Variants in TNFSF4 observed in about 807,000 individuals in gnomAD.
The protein encoded by TNFSF4 is tumor necrosis factor ligand superfamily member 4.
A neutral mutation model predicts 7.3 loss-of-function variants in TNFSF4; 4 were observed. The ratio of observed to expected loss-of-function variants is 0.55; its 90% CI spans 0.27 to 1.25. TNFSF4 has a LOEUF of 1.25. Among genes scored for constraint, TNFSF4 ranks in the 50% most tolerant of loss-of-function variants. The pLI is 0.12. For synonymous variants in TNFSF4, 76 were observed against 83.7 expected (o/e 0.91, Z 0.50); for missense variants, 181 against 208.8 (o/e 0.87, Z 0.82).
the TNFSF4 span, among the ~76,000 whole-genome samples, chr1:173,384,950 G>A: frequency 5.9e-5 from 9 of 152,176 alleles, no homozygotes; most frequent in African/African-American, 2.2e-4. Context: ...TGGTTTTAGT[G>A]TAGTCATAGT....
chr1:173,440,204 T>A, the TNFSF4 span, among the ~76,000 whole-genome samples: 1 of 152,336 alleles, frequency 6.6e-6, no homozygotes, highest in African/African-American at 2.4e-5. Context: ...AACATCGACC[T>A]TTACACTGTC....
At chr1:173,262,754 C>T in the TNFSF4 span, among the ~76,000 whole-genome samples, 5 of 152,086 alleles carry the variant, frequency 3.3e-5, no homozygotes, top group South Asian at 8.3e-4. Flanking sequence ...AGGCGCCTGC[C>T]ACCGCGCCTG....
the TNFSF4 span, among the ~76,000 whole-genome samples, chr1:173,225,454 G>A: frequency 2.6e-5 from 4 of 152,074 alleles, no homozygotes; most frequent in Admixed American, 6.5e-5. Context: ...TTCTCTACAC[G>A]TGTGTATGCT....
At chr1:173,175,026 A>T in the TNFSF4 span, 1 of 152,164 alleles carries the variant, frequency 6.6e-6, no homozygotes, top group Non-Finnish European at 1.5e-5. Context: ...TTTTCTGTGA[A>T]GTAAGATCCT....
At chr1:173,205,310 C>A in intron 1 of TNFSF4, 1 of 1,612,250 alleles carries the variant, frequency 6.2e-7, no homozygotes, top group Non-Finnish European at 8.5e-7. Flanking sequence ...AGATCACTCA[C>A]CATGAGGTTT....
chr1:173,425,935 T>C, the TNFSF4 span, among the ~76,000 whole-genome samples: 1,270 of 152,330 alleles, frequency 8.3e-3, 14 homozygotes, highest in African/African-American at 0.029. Flanking sequence ...AAAAGAACTC[T>C]TTCTCTCCCC....
the TNFSF4 span, among the ~76,000 whole-genome samples, chr1:173,334,044 T>C: frequency 1.3e-5 from 2 of 152,082 alleles, no homozygotes; most frequent in Admixed American, 6.5e-5. Context: ...TTCTATTAAT[T>C]AATTAATTAA....
At chr1:173,295,521 C>A in the TNFSF4 span, among the ~76,000 whole-genome samples, 1 of 151,910 alleles carries the variant, frequency 6.6e-6, no homozygotes, top group Non-Finnish European at 1.5e-5. Context: ...GTACTGGCAC[C>A]CATCAAATGG....
At chr1:173,333,842 A>C in the TNFSF4 span, among the ~76,000 whole-genome samples, 1 of 152,076 alleles carries the variant, frequency 6.6e-6, no homozygotes, top group Admixed American at 6.6e-5. Context: ...CCTGTGTCTT[A>C]AGTCTGCTGG....
chr1:173,192,221 GTC>G (rs1438558844), intron 1 of TNFSF4, among the ~76,000 whole-genome samples: 1 of 152,184 alleles, frequency 6.6e-6, no homozygotes, highest in Non-Finnish European at 1.5e-5. Flanking sequence ...TTGAGTTTCA[GTC>G]TCTGTATTCC....
chr1:173,336,781 G>C, the TNFSF4 span, among the ~76,000 whole-genome samples: 15 of 152,056 alleles, frequency 9.9e-5, no homozygotes, highest in Admixed American at 9.8e-4. Flanking sequence ...AAGATTCAGG[G>C]GCTTTTACTT....
At chr1:173,430,598 AT>A in the TNFSF4 span, among the ~76,000 whole-genome samples, 8 of 152,302 alleles carry the variant, frequency 5.3e-5, no homozygotes, top group South Asian at 1.7e-3. Context: ...TCTCTAACAG[AT>A]TCTTTGAAAA....
the TNFSF4 span, among the ~76,000 whole-genome samples, chr1:173,281,766 A>G: frequency 9.9e-5 from 15 of 152,200 alleles, no homozygotes; most frequent in African/African-American, 9.6e-5. Context: ...CTCATTATGC[A>G]TGAGACATTT....
At chr1:173,199,022 T>A (rs1173583379) in intron 1 of TNFSF4, among the ~76,000 whole-genome samples, 1 of 152,162 alleles carries the variant, frequency 6.6e-6, no homozygotes. Flanking sequence ...ATAATCCCAA[T>A]CAAGATACTA....
At chr1:173,335,896 C>T in the TNFSF4 span, among the ~76,000 whole-genome samples, 1 of 152,126 alleles carries the variant, frequency 6.6e-6, no homozygotes. Flanking sequence ...CAGACCTTTC[C>T]AGGACTACTG....
At chr1:173,394,135 A>G in the TNFSF4 span, among the ~76,000 whole-genome samples, 1 of 150,844 alleles carries the variant, frequency 6.6e-6, no homozygotes, top group African/African-American at 2.4e-5. Context: ...GTAGTCCTAT[A>G]TGCTCAAGAG....
At chr1:173,410,258 T>G in the TNFSF4 span, among the ~76,000 whole-genome samples, 2 of 152,146 alleles carry the variant, frequency 1.3e-5, no homozygotes, top group East Asian at 3.8e-4. Context: ...GCCTTGATCT[T>G]AAGAAGTCCA....
chr1:173,394,309 G>A, the TNFSF4 span, among the ~76,000 whole-genome samples: 442 of 151,852 alleles, frequency 2.9e-3, 1 homozygote, highest in African/African-American at 7.0e-3. Context: ...CTTGAGGACT[G>A]CAGGACTTTA....
chr1:173,190,670 C>T (rs1221420657), intron 1 of TNFSF4, among the ~76,000 whole-genome samples: 2 of 152,310 alleles, frequency 1.3e-5, no homozygotes, highest in South Asian at 2.1e-4. Context: ...GAAAACCTGT[C>T]AGAAGGCAAA....
Sources: gnomAD v4.1 joint callset for allele counts (sites outside exome capture counted in the v4.1 genomes callset) on GRCh38, gnomAD v4.1.1 for gene constraint, MANE v1.5 for transcripts, NCBI Gene and HGNC (gene_info 2026-07-23, HGNC 2026-07-21) for gene names.